Variants in ASIC2 observed in about 807,000 individuals in gnomAD.
ASIC2 encodes acid-sensing ion channel 2.
Under a neutral mutation model 57.3 loss-of-function variants are expected in ASIC2, and 25 were observed. The observed-to-expected ratio is 0.44, with a 90% CI of 0.32 to 0.61. ASIC2 has a LOEUF of 0.61. Ranked by LOEUF, ASIC2 falls within the 20% of genes least tolerant of loss-of-function variation. The probability of loss-of-function intolerance (pLI) is 0.06; values close to 1 mark genes in which losing one functional copy is unlikely to be tolerated. For missense variants in ASIC2, 641 were observed against 738.1 expected, an observed-to-expected ratio of 0.87 and a Z score of 1.52; for synonymous variants, 319 against 307.5, an observed-to-expected ratio of 1.04 and a Z score of -0.39.
At chr17:33,678,377 G>C (rs1907891570) in intron 1 of ASIC2, among the ~76,000 whole-genome samples, 2 of 149,324 alleles carry the variant, frequency 1.3e-5, no homozygotes, top group Admixed American at 1.3e-4. Flanking sequence ...GTTCTCTGTG[G>C]GTTGAGGAGA....
intron 1 of ASIC2, among the ~76,000 whole-genome samples, chr17:33,413,606 T>G (rs1399927282): frequency 6.6e-6 from 1 of 152,228 alleles, no homozygotes; most frequent in East Asian, 1.9e-4. Context: ...CATCATATCC[T>G]GCCACGCCCA....
intron 1 of ASIC2, among the ~76,000 whole-genome samples, chr17:33,900,226 G>A (rs1915201394): frequency 6.6e-6 from 1 of 152,216 alleles, no homozygotes; most frequent in Admixed American, 6.5e-5. Context: ...GTGTTCACCA[G>A]CCAGTTTAAT....
At chr17:33,739,049 T>C (rs1390460902) in intron 1 of ASIC2, among the ~76,000 whole-genome samples, 1 of 152,234 alleles carries the variant, frequency 6.6e-6, no homozygotes, top group Non-Finnish European at 1.5e-5. Context: ...GGCAGAAAGC[T>C]GTAAGGTTGA....
intron 1 of ASIC2, among the ~76,000 whole-genome samples, chr17:33,495,211 C>T (rs186832930): frequency 2.0e-5 from 3 of 152,314 alleles, no homozygotes; most frequent in African/African-American, 7.2e-5. Flanking sequence ...GGGGGGCTAG[C>T]TTGGTCCCTA....
intron 1 of ASIC2, among the ~76,000 whole-genome samples, chr17:33,765,596 A>G (rs545839239): frequency 2.0e-5 from 3 of 152,298 alleles, no homozygotes; most frequent in South Asian, 4.1e-4. Flanking sequence ...CAGTGATACA[A>G]TGTCCAGTCT....
At chr17:33,927,445 A>G (rs1915847967) in intron 1 of ASIC2, among the ~76,000 whole-genome samples, 1 of 152,210 alleles carries the variant, frequency 6.6e-6, no homozygotes, top group African/African-American at 2.4e-5. Flanking sequence ...TGCTCTTATA[A>G]AAGAAGTTGA....
intron 1 of ASIC2, among the ~76,000 whole-genome samples, chr17:33,398,337 T>A (rs1910154362): frequency 6.6e-6 from 1 of 152,182 alleles, no homozygotes; most frequent in Admixed American, 6.5e-5. Context: ...GAGCACGGGT[T>A]AACACAATGT....
At chr17:33,445,571 G>A (rs772020677) in intron 1 of ASIC2, among the ~76,000 whole-genome samples, 1 of 152,008 alleles carries the variant, frequency 6.6e-6, no homozygotes, top group Non-Finnish European at 1.5e-5. Context: ...TAGGGATCAG[G>A]TGGATCCCCT....
intron 1 of ASIC2, among the ~76,000 whole-genome samples, chr17:33,228,031 G>C (rs967505374): frequency 3.3e-5 from 5 of 152,198 alleles, no homozygotes; most frequent in African/African-American, 1.2e-4. Flanking sequence ...AAAGGGACTT[G>C]AAGGAATCTA....
chr17:33,620,654 A>G (rs1400158551), intron 1 of ASIC2, among the ~76,000 whole-genome samples: 1 of 152,208 alleles, frequency 6.6e-6, no homozygotes, highest in Non-Finnish European at 1.5e-5. Flanking sequence ...AACAATTTAG[A>G]AAACATTTTT....
intron 1 of ASIC2, among the ~76,000 whole-genome samples, chr17:33,162,979 G>T (rs1309811025): frequency 6.6e-6 from 1 of 152,156 alleles, no homozygotes; most frequent in East Asian, 1.9e-4. Context: ...TCTCTTTCCT[G>T]CACTGAACTC....
chr17:33,587,467 T>A (rs899488090), intron 1 of ASIC2, among the ~76,000 whole-genome samples: 1 of 152,206 alleles, frequency 6.6e-6, no homozygotes, highest in African/African-American at 2.4e-5. Context: ...ATGATGTCTT[T>A]ACACATCAGA....
chr17:33,425,530 G>A (rs768643694), intron 1 of ASIC2, among the ~76,000 whole-genome samples: 38 of 152,274 alleles, frequency 2.5e-4, no homozygotes, highest in African/African-American at 6.0e-4. Context: ...TGAGAGTGCC[G>A]TGGGGGTTCA....
intron 1 of ASIC2, among the ~76,000 whole-genome samples, chr17:33,126,660 C>T (rs1337812091): frequency 2.0e-5 from 3 of 151,948 alleles, no homozygotes; most frequent in Non-Finnish European, 2.9e-5. Flanking sequence ...GTGGTGTGCA[C>T]CAGTAGTCCC....
At chr17:33,066,392 TAATAC>T (rs1237377923) in intron 3 of ASIC2, among the ~76,000 whole-genome samples, 1 of 152,188 alleles carries the variant, frequency 6.6e-6, no homozygotes, top group Non-Finnish European at 1.5e-5. Flanking sequence ...ATGACCCATC[TAATAC>T]TTATTCAGCA....
At chr17:33,028,643 C>G (rs78676248) in intron 3 of ASIC2, among the ~76,000 whole-genome samples, 5,118 of 152,258 alleles carry the variant, frequency 0.034, 80 homozygotes, top group African/African-American at 0.05. Context: ...GTCTCGGCCT[C>G]TCTAGTAGCT....
chr17:33,174,895 T>C (rs319779), intron 1 of ASIC2, among the ~76,000 whole-genome samples: 93,067 of 151,858 alleles, frequency 0.61, 28,875 homozygotes, highest in South Asian at 0.68. Context: ...CATAAGTCAG[T>C]CCGTTGTGAC....
intron 1 of ASIC2, among the ~76,000 whole-genome samples, chr17:33,820,293 A>G (rs888032840): frequency 2.0e-5 from 3 of 152,266 alleles, no homozygotes; most frequent in African/African-American, 4.8e-5. Flanking sequence ...AGTTATTTTC[A>G]TTGAAAACTG....
intron 1 of ASIC2, among the ~76,000 whole-genome samples, chr17:33,962,157 C>T (rs192037511): frequency 6.6e-6 from 1 of 152,138 alleles, no homozygotes; most frequent in Non-Finnish European, 1.5e-5. Context: ...GAGATTCTAC[C>T]ATTTGCTAGT....
Sources: gnomAD v4.1 joint callset for allele counts (sites outside exome capture counted in the v4.1 genomes callset) on GRCh38, gnomAD v4.1.1 for gene constraint, MANE v1.5 for transcripts, NCBI Gene and HGNC (gene_info 2026-07-23, HGNC 2026-07-21) for gene names.